Variants in KIAA1549L observed in about 807,000 individuals in gnomAD.
KIAA1549L encodes the protein KIAA1549 like.
KIAA1549L carries 88 observed loss-of-function variants against 160.7 expected under a neutral mutation model. That is an observed-to-expected ratio of 0.55 (90% CI 0.46 to 0.65). The LOEUF (loss-of-function observed/expected upper bound fraction) is 0.65, where lower values mean the gene tolerates loss of function less well. KIAA1549L is among the 30% of genes least tolerant of loss of function. The pLI is 0.00. For missense variants in KIAA1549L, 2,258 were observed against 2,437.5 expected (o/e 0.93, Z 1.55); for synonymous variants, 950 against 976.7 (o/e 0.97, Z 0.51).
At position 33,672,780 on chromosome 11, in the gene KIAA1549L, G is replaced by C. The variant is rs1452134360; in HGVS notation, c.*4626G>C. On this transcript the variant is annotated 3_prime_UTR_variant, in exon 21 of 21. Transcript: ENST00000658780. Reference sequence around the variant, plus strand: ...GTTATTGATACAGCCGCTGGGTCTAGGAAGCGATTTCTGAACAAGGCCCAG... The same window carrying C: ...GTTATTGATACAGCCGCTGGGTCTACGAAGCGATTTCTGAACAAGGCCCAG... 1 of 153,802 alleles carries C rather than the reference G, an allele frequency of 6.5e-6. No homozygotes were observed. The highest frequency in any genetic ancestry group is 6.5e-5 in the Admixed American group (1 of 15,294). The allele number at this position is 153,802 out of a possible 1,614,324, so 9.5% of individuals were successfully genotyped here.
At chr11:33,508,744 T>G (rs1044394472) in intron 1 of KIAA1549L, among the ~76,000 whole-genome samples, 7 of 152,192 alleles carry the variant, frequency 4.6e-5, no homozygotes, top group African/African-American at 1.7e-4. Context: ...TGGACCACCC[T>G]CTTGAAAATC....
At chr11:33,459,299 A>G (rs1460940437) in intron 1 of KIAA1549L, among the ~76,000 whole-genome samples, 1 of 152,140 alleles carries the variant, frequency 6.6e-6, no homozygotes, top group African/African-American at 2.4e-5. Context: ...TGCTTCCTCC[A>G]TCTTCAGGTG....
rs1853020700 is a variant in KIAA1549L at position 33,504,126 on chromosome 11, TGGC to T, written c.239-37675_239-37673del. Reference sequence around the variant, plus strand: ...AAATACAAAAGTTAGCCAGGCGTGGTGGCACACACCTGTAATCCCAGCTACTCG... The same window carrying T: ...AAATACAAAAGTTAGCCAGGCGTGGTACACACCTGTAATCCCAGCTACTCG... On this transcript the variant is annotated intron_variant, in intron 1 of 20. Coordinates refer to ENST00000658780, the MANE Select transcript of KIAA1549L (RefSeq NM_012194.3). Among the ~76,000 whole-genome samples the T allele has an allele frequency of 3.9e-5, 6 of 152,102 alleles. No individual in the cohort carries two copies. The South Asian group carries it at 1.2e-3, about 32-fold the overall frequency.
intron 19 of KIAA1549L, among the ~76,000 whole-genome samples, chr11:33,660,354 G>A (rs551514087): frequency 6.6e-6 from 1 of 152,266 alleles, no homozygotes; most frequent in East Asian, 1.9e-4. Context: ...GAGGCAGGCG[G>A]ATCACAAGGT....
chr11:33,505,160 G>T (rs777970179), intron 1 of KIAA1549L, among the ~76,000 whole-genome samples: 2 of 152,326 alleles, frequency 1.3e-5, no homozygotes, highest in Non-Finnish European at 2.9e-5. Context: ...TCTGAAGTCA[G>T]AGCTGTTTCC....
intron 19 of KIAA1549L, among the ~76,000 whole-genome samples, chr11:33,659,962 G>A (rs376706668): frequency 6.6e-6 from 1 of 152,170 alleles, no homozygotes; most frequent in South Asian, 2.1e-4. Context: ...CCCTAGCCAC[G>A]GCCAATCCCA....
intron 1 of KIAA1549L, among the ~76,000 whole-genome samples, chr11:33,489,250 C>T (rs755994348): frequency 3.3e-5 from 5 of 152,174 alleles, no homozygotes; most frequent in Admixed American, 6.5e-5. Context: ...GGTAAGGTCT[C>T]GCTCCCCACC....
rs150863787 is a variant in KIAA1549L, at chr11:33,422,897, A to G, written c.238+46008A>G. ...CCTTATGGCTGTTGTGTATGTGATC[A>G]TAGCCCCTACCAATTGTATAGGTTT... On this transcript the variant is annotated intron_variant, in intron 1 of 20. Coordinates refer to ENST00000658780, the MANE Select transcript of KIAA1549L (RefSeq NM_012194.3). Among the ~76,000 whole-genome samples, 345 of 152,294 alleles carry G rather than the reference A, an allele frequency of 2.3e-3. 2 individuals are homozygous for G. Among genetic ancestry groups the G allele is most frequent in the African/African-American group, 7.8e-3 (325 of 41,558 alleles).
chr11:33,450,199 C>T (rs1419829623), intron 1 of KIAA1549L, among the ~76,000 whole-genome samples: 1 of 152,098 alleles, frequency 6.6e-6, no homozygotes, highest in African/African-American at 2.4e-5. Flanking sequence ...TCCCCTAATA[C>T]GCAGCCACTT....
chr11:33,543,715 C>G lies in KIAA1549L; in HGVS notation c.2152C>G (p.Gln718Glu). 6.2e-7 allele frequency: 1 copy of G among 1,614,008 alleles called. No homozygotes were observed. Among genetic ancestry groups the G allele is most frequent in the Non-Finnish European group, 8.5e-7 (1 of 1,179,892 alleles). Reference sequence around the variant, plus strand: ...AGAATCAATAATATCTGGCTTGCAGCAGCAAACAAATTATGATTTAAATGG... The same window carrying G: ...AGAATCAATAATATCTGGCTTGCAGGAGCAAACAAATTATGATTTAAATGG... The part of the protein sequence containing the change: ...STESIISGLQ[Q>E]QTNYDLNGHT... The change falls in exon 2 of 21, where the codon CAG (glutamine) becomes GAG (glutamate). Residue 718 changes from glutamine (Q) to glutamate (E), a missense_variant. Physicochemically the swap from Gln to Glu is conservative, Grantham distance 29. Transcript: ENST00000658780.
chr11:33,639,632 C>A (rs375160736), intron 16 of KIAA1549L, among the ~76,000 whole-genome samples: 2 of 152,234 alleles, frequency 1.3e-5, no homozygotes, highest in East Asian at 3.9e-4. Context: ...CTCCGCCTCC[C>A]GGGCTCAAGC....
chr11:33,496,241 G>T (rs1161355883), intron 1 of KIAA1549L, among the ~76,000 whole-genome samples: 1 of 152,198 alleles, frequency 6.6e-6, no homozygotes, highest in Non-Finnish European at 1.5e-5. Context: ...TGGATGACAG[G>T]TGTGAGCCAC....
At chr11:33,606,499 C>G in intron 13 of KIAA1549L, 142 bp from the exon 14 acceptor site, 1 of 746,456 alleles carries the variant, frequency 1.3e-6, no homozygotes, top group Non-Finnish European at 2.1e-6. Flanking sequence ...GTAGCGAGTC[C>G]TTGGCACAGA....
chr11:33,545,456 T>C, intron 3 of KIAA1549L, 78 bp downstream of exon 3: 1 of 1,458,076 alleles, frequency 6.9e-7, no homozygotes, highest in African/African-American at 1.4e-5. Context: ...TTTAGATCAG[T>C]GGTCCTCAAC....
rs753117087 is a variant in KIAA1549L, at chr11:33,544,166, G to A, written c.2603G>A (p.Gly868Asp). 4 of 1,613,842 alleles carry A rather than the reference G, an allele frequency of 2.5e-6. No homozygotes were observed. The highest frequency in any genetic ancestry group is 1.1e-5 in the South Asian group (1 of 91,092). Reference sequence around the variant, plus strand: ...ATGCTTTCAGATGGAACAGATACAGGTTCTGAAATTTCCAGTGACATCAAT... The same window carrying A: ...ATGCTTTCAGATGGAACAGATACAGATTCTGAAATTTCCAGTGACATCAAT... ...QEMLSDGTDT[G>D]SEISSDINSS... The change falls in exon 2 of 21, where the codon GGT (glycine) becomes GAT (aspartate). Residue 868 changes from glycine (G) to aspartate (D), a missense_variant. Coordinates refer to ENST00000658780, the MANE Select transcript of KIAA1549L (RefSeq NM_012194.3).
At chr11:33,385,344 C>T (rs776878561) in intron 1 of KIAA1549L, among the ~76,000 whole-genome samples, 1 of 152,162 alleles carries the variant, frequency 6.6e-6, no homozygotes, top group South Asian at 2.1e-4. Flanking sequence ...GGTTTCTTAA[C>T]GTCAGCACTA....
chr11:33,658,589 C>T (rs1202548632), intron 18 of KIAA1549L, among the ~76,000 whole-genome samples, 161 bp from the exon 19 acceptor site: 1 of 152,120 alleles, frequency 6.6e-6, no homozygotes, highest in Non-Finnish European at 1.5e-5. Flanking sequence ...GCTGGTGTTC[C>T]TAGAAGTCCG....
At chr11:33,598,692 G>T in intron 12 of KIAA1549L, 128 bp from the exon 13 acceptor site, 2 of 1,159,568 alleles carry the variant, frequency 1.7e-6, no homozygotes, top group Non-Finnish European at 2.4e-6. Flanking sequence ...TTTCTGTATC[G>T]TTTCCTCTTT....
chr11:33,633,648 T>C (rs1851363196), intron 16 of KIAA1549L, among the ~76,000 whole-genome samples: 2 of 152,228 alleles, frequency 1.3e-5, no homozygotes, highest in Non-Finnish European at 2.9e-5. Flanking sequence ...CGAATTAGCT[T>C]TCCAAGAGAG....
Sources: allele counts gnomAD v4.1 joint callset (sites outside exome capture counted in the v4.1 genomes callset), GRCh38; gene constraint gnomAD v4.1.1; transcripts MANE v1.5; gene names NCBI Gene and HGNC (gene_info 2026-07-23, HGNC 2026-07-21).